The following TSHR variants were observed in gnomAD, a reference collection of about 807,000 sequenced individuals.
TSHR encodes the protein thyrotropin receptor.
Under a neutral mutation model 64.1 loss-of-function variants are expected in TSHR, and 51 were observed. The observed-to-expected ratio is 0.80, with a 90% CI of 0.64 to 1.01. TSHR has a LOEUF of 1.01. Ranked by LOEUF, TSHR falls within the 50% of genes least tolerant of loss-of-function variation. The pLI is 0.00. For missense variants in TSHR, 877 were observed against 942.8 expected (o/e 0.93, Z 0.91); for synonymous variants, 361 against 361.9 (o/e 1.00, Z 0.03).
At chr14:81,129,443 G>GT (rs1262625165) in intron 8 of TSHR, among the ~76,000 whole-genome samples, 2 of 152,132 alleles carry the variant, frequency 1.3e-5, no homozygotes, top group Admixed American at 1.3e-4. Flanking sequence ...CCCAACCTTG[G>GT]TTAGGTCTAA....
At chr14:81,126,812 A>G (rs547203058) in intron 8 of TSHR, among the ~76,000 whole-genome samples, 1 of 152,260 alleles carries the variant, frequency 6.6e-6, no homozygotes, top group African/African-American at 2.4e-5. Context: ...AAATAACTCT[A>G]CCTTTTAGTG....
intron 7 of TSHR, among the ~76,000 whole-genome samples, chr14:81,107,939 T>A (rs11845715): frequency 0.86 from 130,100 of 152,152 alleles, 56,076 homozygotes; most frequent in African/African-American, 0.96. Context: ...CCTCAGCATC[T>A]CTCACCACCC....
At chr14:80,968,896 T>A (rs1483905701) in intron 1 of TSHR, among the ~76,000 whole-genome samples, 1 of 152,152 alleles carries the variant, frequency 6.6e-6, no homozygotes, top group East Asian at 1.9e-4. Context: ...GACCAGGTGG[T>A]CATTATAGTA....
intron 1 of TSHR, chr14:81,032,499 C>A: frequency 2.8e-6 from 1 of 363,430 alleles, no homozygotes; most frequent in South Asian, 2.8e-5. Context: ...CAGAGTTTTC[C>A]ATTTAGATCA....
chr14:81,144,470 A>T lies in TSHR; in HGVS notation c.*117A>T, dbSNP rs1024422232. On this transcript the variant is annotated 3_prime_UTR_variant, in exon 10 of 10. Transcript: ENST00000298171. The stretch of plus-strand genomic sequence containing the variant: ...AGCTGCCCTCACTCTTGTGCAGGCG[A>T]TGTTTCAATGTTTCATGGGGCAAGA... 7.1e-6 allele frequency: 7 copies of T among 980,970 alleles called. No individual in the cohort carries two copies. The highest frequency in any genetic ancestry group is 2.8e-5 in the South Asian group (2 of 71,764). 60.8% of individuals were successfully genotyped at this position (980,970 alleles called of 1,614,324 possible).
intron 1 of TSHR, among the ~76,000 whole-genome samples, chr14:80,984,715 T>C (rs1434391553): frequency 1.3e-5 from 2 of 152,190 alleles, no homozygotes; most frequent in African/African-American, 2.4e-5. Flanking sequence ...CATCAGACAT[T>C]TGACTGCATC....
At chr14:81,067,478 T>C (rs1886703234) in intron 2 of TSHR, among the ~76,000 whole-genome samples, 1 of 53,440 alleles carries the variant, frequency 1.9e-5, no homozygotes, top group Non-Finnish European at 3.8e-5. Context: ...AAGGAGTTTA[T>C]AGTTTTATAT....
intron 8 of TSHR, among the ~76,000 whole-genome samples, chr14:81,121,464 CT>C (rs1269742909): frequency 6.6e-6 from 1 of 152,054 alleles, no homozygotes; most frequent in Non-Finnish European, 1.5e-5. Flanking sequence ...TCCTGTTCAC[CT>C]TTTCTTGGAG....
chr14:81,114,330 C>T lies in TSHR; in HGVS notation c.692+5878C>T, dbSNP rs534358274. ...CAGGTCAGTGGGTGCGTGCACTGTG[C>T]GCGAGCCAAAGCAGGGCGAGGCATT... On this transcript the variant is annotated intron_variant, in intron 8 of 9. Coordinates refer to ENST00000298171, the MANE Select transcript of TSHR (RefSeq NM_000369.5). 9.6e-4 allele frequency among the ~76,000 whole-genome samples: 146 copies of T among 152,242 alleles called. 1 individual carries two copies. The highest frequency in any genetic ancestry group is 3.1e-3 in the African/African-American group (128 of 41,548).
chr14:81,069,686 G>A (rs1036489559), intron 3 of TSHR, among the ~76,000 whole-genome samples: 14 of 152,150 alleles, frequency 9.2e-5, no homozygotes, highest in African/African-American at 3.4e-4. Context: ...GATTTTGGTT[G>A]AGATCACTAA....
intron 7 of TSHR, 75 bp from the exon 8 acceptor site, chr14:81,108,300 A>G (rs569794424): frequency 5.1e-6 from 6 of 1,176,588 alleles, no homozygotes; most frequent in African/African-American, 4.5e-5. Context: ...TTATTCTGAT[A>G]TTTGTACTAA....
intron 1 of TSHR, among the ~76,000 whole-genome samples, chr14:80,978,259 C>A (rs1008919764): frequency 6.6e-6 from 1 of 152,192 alleles, no homozygotes; most frequent in African/African-American, 2.4e-5. Flanking sequence ...CAGAGACTAT[C>A]TGTGCCCCCT....
chr14:81,026,187 C>T (rs1471158138), intron 1 of TSHR, among the ~76,000 whole-genome samples: 2 of 152,198 alleles, frequency 1.3e-5, no homozygotes, highest in Non-Finnish European at 2.9e-5. Context: ...ATGTAAACTC[C>T]AGGGAGGCAG....
chr14:81,067,249 G>A (rs1263363578), intron 2 of TSHR, among the ~76,000 whole-genome samples: 1 of 151,780 alleles, frequency 6.6e-6, no homozygotes, highest in Non-Finnish European at 1.5e-5. Flanking sequence ...TGACTCTAGT[G>A]TTCTTTTCTG....
chr14:80,955,993 G>A lies in TSHR; in HGVS notation c.170+143G>A, dbSNP rs183018005. ...GTGTGAGTGAATGTCTGTGTGTGTA[G>A]ATGTGTGTGTGTGCTAAAAACTTAA... is the stretch of plus-strand genomic sequence containing the variant. On this transcript the variant is annotated intron_variant, in intron 1 of 9. Transcript: ENST00000298171. 1.2e-5 allele frequency: 12 copies of A among 1,004,422 alleles called. No homozygotes were observed. The Admixed American group carries it at 2.0e-4, about 16-fold the overall frequency. The allele number at this position is 1,004,422 out of a possible 1,614,324, so 62.2% of individuals were successfully genotyped here.
chr14:80,975,692 T>C (rs1006966590), intron 1 of TSHR, among the ~76,000 whole-genome samples: 1 of 152,236 alleles, frequency 6.6e-6, no homozygotes, highest in Non-Finnish European at 1.5e-5. Context: ...TGTTGCAAAA[T>C]CCAAAGGACA....
chr14:81,122,020 C>CTTTTTTTTTTTTTTTTT, intron 8 of TSHR, among the ~76,000 whole-genome samples: 1 of 44,904 alleles, frequency 2.2e-5, no homozygotes, highest in Non-Finnish European at 4.2e-5. Flanking sequence ...TTTTCTTTTC[C>CTTTTTTTTTTTTTTTTT]TTTTTTTTTT....
chr14:81,139,940 A>G, intron 9 of TSHR, 73 bp downstream of exon 9: 1 of 1,572,596 alleles, frequency 6.4e-7, no homozygotes, highest in Non-Finnish European at 8.7e-7. Context: ...GGTTTTGGGG[A>G]AGATGCTTCC....
intron 3 of TSHR, among the ~76,000 whole-genome samples, chr14:81,072,334 T>C (rs1361988690): frequency 6.6e-6 from 1 of 152,148 alleles, no homozygotes; most frequent in Non-Finnish European, 1.5e-5. Context: ...TTAAAAAAAG[T>C]ATAGGACATT....
Sources: gnomAD v4.1 joint callset for allele counts (sites outside exome capture counted in the v4.1 genomes callset) on GRCh38, gnomAD v4.1.1 for gene constraint, MANE v1.5 for transcripts, NCBI Gene and HGNC (gene_info 2026-07-23, HGNC 2026-07-21) for gene names.